FER: variants seen among roughly 807,000 people sequenced by gnomAD.
FER encodes tyrosine-protein kinase Fer.
Under a neutral mutation model 111.0 loss-of-function variants are expected in FER, and 63 were observed. The ratio of observed to expected loss-of-function variants is 0.57; its 90% CI spans 0.46 to 0.70. The LOEUF (loss-of-function observed/expected upper bound fraction) is 0.70. Among genes scored for constraint, FER ranks in the 30% least tolerant of loss-of-function variants. The probability of loss-of-function intolerance (pLI) is 0.00; values close to 1 mark genes in which losing one functional copy is unlikely to be tolerated. For synonymous variants in FER, 327 were observed against 313.9 expected (o/e 1.04, Z -0.44); for missense variants, 914 against 954.0 (o/e 0.96, Z 0.55).
At chr5:109,061,285 A>G (rs1468298728) in intron 16 of FER, among the ~76,000 whole-genome samples, 1 of 152,148 alleles carries the variant, frequency 6.6e-6, no homozygotes, top group Non-Finnish European at 1.5e-5. Flanking sequence ...TCTCTTTATA[A>G]AAGACATAAT....
chr5:108,750,980 G>T (rs533078738), intron 1 of FER, among the ~76,000 whole-genome samples: 1 of 152,120 alleles, frequency 6.6e-6, no homozygotes, highest in Non-Finnish European at 1.5e-5. Flanking sequence ...ATCACCTGAG[G>T]TCGGGAGTTC....
intron 17 of FER, among the ~76,000 whole-genome samples, chr5:109,120,381 T>C (rs1043499097): frequency 1.3e-5 from 2 of 152,042 alleles, no homozygotes; most frequent in Non-Finnish European, 1.5e-5. Flanking sequence ...TAATGTATGC[T>C]CTCTCTGTCA....
intron 16 of FER, among the ~76,000 whole-genome samples, chr5:109,094,630 C>A (rs889647850): frequency 2.0e-5 from 3 of 152,066 alleles, no homozygotes; most frequent in Non-Finnish European, 4.4e-5. Context: ...TGCAGGCCAT[C>A]ACAACTCTGT....
chr5:109,061,011 A>T (rs1020144803), intron 16 of FER, among the ~76,000 whole-genome samples: 1 of 152,120 alleles, frequency 6.6e-6, no homozygotes, highest in Non-Finnish European at 1.5e-5. Context: ...CTAACCTGAT[A>T]CTTGTGTAGT....
intron 13 of FER, among the ~76,000 whole-genome samples, chr5:109,018,543 A>G (rs967706801): frequency 6.6e-6 from 1 of 151,806 alleles, no homozygotes; most frequent in Non-Finnish European, 1.5e-5. Context: ...CTTGTCCCAC[A>G]ATAGTGGATG....
At chr5:108,792,552 GT>G (rs1424901647) in intron 2 of FER, among the ~76,000 whole-genome samples, 1 of 151,818 alleles carries the variant, frequency 6.6e-6, no homozygotes, top group Non-Finnish European at 1.5e-5. Flanking sequence ...GATCAGGCTG[GT>G]CCCAAACTCC....
intron 13 of FER, among the ~76,000 whole-genome samples, chr5:109,027,430 A>G (rs1268760108): frequency 3.3e-5 from 5 of 152,214 alleles, no homozygotes; most frequent in Non-Finnish European, 5.9e-5. Flanking sequence ...GGAGATATAT[A>G]GGAATAGAAT....
At chr5:108,779,084 AT>A (rs1283116086) in intron 2 of FER, among the ~76,000 whole-genome samples, 1 of 150,224 alleles carries the variant, frequency 6.7e-6, no homozygotes, top group Non-Finnish European at 1.5e-5. Context: ...TCTTGGTTGT[AT>A]TGCTTTCTTT....
intron 17 of FER, among the ~76,000 whole-genome samples, chr5:109,176,049 C>T (rs1445855842): frequency 6.6e-6 from 1 of 152,090 alleles, no homozygotes; most frequent in Non-Finnish European, 1.5e-5. Flanking sequence ...AGCTCTTATA[C>T]ACTGTTGGTG....
intron 8 of FER, among the ~76,000 whole-genome samples, chr5:108,876,857 A>C (rs1201755962): frequency 6.6e-6 from 1 of 152,220 alleles, no homozygotes; most frequent in Non-Finnish European, 1.5e-5. Flanking sequence ...GCCATCAAAA[A>C]ATTTTCATTC....
intron 16 of FER, among the ~76,000 whole-genome samples, chr5:109,075,428 ATT>A (rs749923297): frequency 0.1 from 12,938 of 128,176 alleles, 456 homozygotes; most frequent in Non-Finnish European, 0.13. Context: ...TTTGCTTAGC[ATT>A]TTTTTTTTTT....
intron 5 of FER, among the ~76,000 whole-genome samples, chr5:108,862,851 C>A (rs1457245000): frequency 2.0e-5 from 3 of 151,560 alleles, no homozygotes; most frequent in Non-Finnish European, 4.4e-5. Context: ...AAAAAAAAAA[C>A]CAGACTAAAA....
intron 2 of FER, among the ~76,000 whole-genome samples, chr5:108,796,570 GGCA>G (rs1261702479): frequency 6.6e-5 from 10 of 152,080 alleles, no homozygotes; most frequent in African/African-American, 2.4e-4. Flanking sequence ...CAGCTAAACT[GGCA>G]CTCAAGCCAT....
At chr5:109,138,496 C>T (rs961974264) in intron 17 of FER, among the ~76,000 whole-genome samples, 2 of 152,236 alleles carry the variant, frequency 1.3e-5, no homozygotes, top group South Asian at 4.1e-4. Flanking sequence ...GATATATTCA[C>T]CCTTGTCAAT....
At chr5:109,099,187 G>A (rs1294886783) in intron 16 of FER, among the ~76,000 whole-genome samples, 1 of 151,218 alleles carries the variant, frequency 6.6e-6, no homozygotes, top group African/African-American at 2.4e-5. Flanking sequence ...TTTTAATAGT[G>A]CAATAAACTA....
At chr5:108,989,534 A>G (rs1762931370) in intron 13 of FER, among the ~76,000 whole-genome samples, 1 of 152,050 alleles carries the variant, frequency 6.6e-6, no homozygotes, top group Non-Finnish European at 1.5e-5. Context: ...ATCCTAGGTC[A>G]TTTAGCATAT....
intron 13 of FER, among the ~76,000 whole-genome samples, chr5:108,987,901 T>C (rs527387650): frequency 6.6e-6 from 1 of 152,264 alleles, no homozygotes; most frequent in African/African-American, 2.4e-5. Flanking sequence ...TTCAACTTTT[T>C]CCCATTCAAT....
chr5:108,866,568 TA>T (rs1764088600), intron 5 of FER, among the ~76,000 whole-genome samples: 2 of 151,620 alleles, frequency 1.3e-5, no homozygotes, highest in African/African-American at 4.8e-5. Flanking sequence ...ACATGTACCC[TA>T]AAACTTAAAG....
chr5:109,010,244 G>A (rs936519583), intron 13 of FER, among the ~76,000 whole-genome samples: 11 of 152,094 alleles, frequency 7.2e-5, no homozygotes, highest in African/African-American at 2.2e-4. Flanking sequence ...TGCAAGCTCC[G>A]CCTCCTGGGT....
Sources: gnomAD v4.1 joint callset for allele counts (sites outside exome capture counted in the v4.1 genomes callset) on GRCh38, gnomAD v4.1.1 for gene constraint, MANE v1.5 for transcripts, NCBI Gene and HGNC (gene_info 2026-07-23, HGNC 2026-07-21) for gene names.